BCAS4: variants seen among roughly 807,000 people sequenced by gnomAD.
BCAS4 encodes the protein breast carcinoma amplified sequence 4.
BCAS4 carries 9 observed loss-of-function variants against 15.7 expected under a neutral mutation model. That is an observed-to-expected ratio of 0.57 (90% confidence interval 0.34 to 1.00). BCAS4 has a LOEUF of 1.00. Among genes scored for constraint, BCAS4 ranks in the 50% least tolerant of loss-of-function variants. BCAS4 has a pLI of 0.02. For synonymous variants in BCAS4, 101 were observed against 99.5 expected (o/e 1.02, Z -0.09); for missense variants, 225 against 239.1 (o/e 0.94, Z 0.39).
intron 4 of BCAS4, among the ~76,000 whole-genome samples, chr20:50,858,990 G>C (rs751836089): frequency 9.9e-5 from 15 of 151,620 alleles, no homozygotes; most frequent in Non-Finnish European, 2.1e-4. Context: ...CTGGAGTGCA[G>C]TGGTGAGATC....
At chr20:50,812,138 A>AT (rs1422462052) in intron 1 of BCAS4, among the ~76,000 whole-genome samples, 18 of 150,494 alleles carry the variant, frequency 1.2e-4, no homozygotes, top group East Asian at 3.9e-4. Flanking sequence ...CTTTTTATTT[A>AT]TTTATTTTTT....
intron 1 of BCAS4, among the ~76,000 whole-genome samples, chr20:50,803,579 A>C (rs79130706): frequency 0.15 from 22,331 of 152,032 alleles, 1,711 homozygotes; most frequent in South Asian, 0.16. Context: ...GCAGTATCTC[A>C]TGCCTTCAAT....
At chr20:50,874,022 G>A (rs8121286) in intron 4 of BCAS4, among the ~76,000 whole-genome samples, 8,867 of 152,138 alleles carry the variant, frequency 0.058, 661 homozygotes, top group African/African-American at 0.16. Context: ...GAGCCCAGAC[G>A]TGATTACCTG....
intron 4 of BCAS4, among the ~76,000 whole-genome samples, chr20:50,849,084 C>A (rs2088580224): frequency 6.6e-6 from 1 of 152,272 alleles, no homozygotes; most frequent in Admixed American, 6.5e-5. Context: ...GCCGGGCCAG[C>A]TTCCTGCTGA....
At chr20:50,837,597 C>T (rs530001702) in intron 3 of BCAS4, among the ~76,000 whole-genome samples, 7 of 152,282 alleles carry the variant, frequency 4.6e-5, no homozygotes, top group East Asian at 3.9e-4. Flanking sequence ...CTAAGATTAG[C>T]GGTGGGCCCT....
At chr20:50,855,550 T>A (rs1454064823) in intron 4 of BCAS4, among the ~76,000 whole-genome samples, 1 of 152,002 alleles carries the variant, frequency 6.6e-6, no homozygotes, top group Admixed American at 6.6e-5. Flanking sequence ...CCAAGAGACC[T>A]TCCTGGGACC....
intron 3 of BCAS4, among the ~76,000 whole-genome samples, chr20:50,841,107 G>A (rs977147912): frequency 2.0e-5 from 3 of 152,214 alleles, no homozygotes; most frequent in African/African-American, 7.2e-5. Flanking sequence ...TGGGATTACA[G>A]GCGTGAGCCA....
chr20:50,859,228 G>A (rs1215902076), intron 4 of BCAS4, among the ~76,000 whole-genome samples: 2 of 152,086 alleles, frequency 1.3e-5, no homozygotes, highest in South Asian at 2.1e-4. Context: ...AGGCTTGAGC[G>A]ACCACGCCTA....
intron 2 of BCAS4, among the ~76,000 whole-genome samples, chr20:50,826,996 A>AC (rs913279959): frequency 6.6e-6 from 1 of 151,626 alleles, no homozygotes; most frequent in East Asian, 1.9e-4. Flanking sequence ...ACAACCCACG[A>AC]CCCCCCACCA....
Position 50,851,116 on chromosome 20 carries a change from G to A in BCAS4, c.399+9216G>A, listed in dbSNP as rs1389720072. Among the ~76,000 whole-genome samples, 3 of 12,100 alleles carry A rather than the reference G, an allele frequency of 2.5e-4. No individual in the cohort carries two copies. In the Admixed American group the frequency reaches 3.5e-3, roughly 14 times the overall value. The allele number at this position is 12,100 out of a possible 152,430, so 7.9% of individuals were successfully genotyped here. ...TCCCCTGCAGAATCCCCCTGCAGGA[G>A]GTGACTCGGGGAGGGAGCCCGACAG... is the stretch of plus-strand genomic sequence containing the variant. On this transcript the variant is annotated intron_variant, in intron 4 of 4. Coordinates refer to ENST00000371608, the MANE Select transcript of BCAS4 (RefSeq NM_198799.4). This position sits in a 1 kb window ranked among gnomAD's most constrained non-coding sequence, Gnocchi z 4.3.
At chr20:50,815,416 C>T (rs1160422996) in intron 1 of BCAS4, among the ~76,000 whole-genome samples, 2 of 152,176 alleles carry the variant, frequency 1.3e-5, no homozygotes, top group African/African-American at 4.8e-5. Context: ...ACCCGCTGTG[C>T]CCCACTCCTC....
At chr20:50,860,662 G>C (rs567826680) in intron 4 of BCAS4, among the ~76,000 whole-genome samples, 2 of 152,050 alleles carry the variant, frequency 1.3e-5, no homozygotes, top group African/African-American at 4.8e-5. Flanking sequence ...GGTCACCTGA[G>C]GTCAGGAGTT....
intron 4 of BCAS4, among the ~76,000 whole-genome samples, chr20:50,852,129 A>G (rs1281096461): frequency 6.6e-6 from 1 of 152,190 alleles, no homozygotes; most frequent in Admixed American, 6.5e-5. Flanking sequence ...AGGTGAGGAA[A>G]CCGAGGATCA....
chr20:50,832,898 AC>A (rs1164629098), intron 3 of BCAS4: 1 of 152,028 alleles, frequency 6.6e-6, no homozygotes, highest in Non-Finnish European at 1.5e-5. Context: ...ACTTAATCAC[AC>A]CTGCAGGATC....
intron 1 of BCAS4, among the ~76,000 whole-genome samples, chr20:50,807,577 G>A (rs1422311127): frequency 1.3e-5 from 2 of 152,158 alleles, no homozygotes; most frequent in Non-Finnish European, 2.9e-5. Context: ...TTTAGTGAGT[G>A]GTGATTTCTG....
chr20:50,871,133 G>A (rs1172472256), intron 4 of BCAS4, among the ~76,000 whole-genome samples: 1 of 152,204 alleles, frequency 6.6e-6, no homozygotes, highest in African/African-American at 2.4e-5. Context: ...AAAACCCCAG[G>A]GTTTGAGTTT....
chr20:50,827,372 T>A (rs916340767), intron 2 of BCAS4, among the ~76,000 whole-genome samples: 1 of 152,104 alleles, frequency 6.6e-6, no homozygotes, highest in East Asian at 1.9e-4. Flanking sequence ...CATCAGAGGG[T>A]CCCCGATGCC....
intron 1 of BCAS4, among the ~76,000 whole-genome samples, chr20:50,803,801 C>CAAAA (rs77271343): frequency 1.1e-5 from 1 of 91,000 alleles, no homozygotes; most frequent in Non-Finnish European, 2.3e-5. Context: ...ACTAGACTCC[C>CAAAA]AAAAAAAAAA....
At position 50,859,276 on chromosome 20, in the gene BCAS4, A is replaced by T. The variant is rs148704102; in HGVS notation, c.400-17210A>T. Among the ~76,000 whole-genome samples, 22 of 152,262 alleles carry T rather than the reference A, an allele frequency of 1.4e-4. No individual in the cohort carries two copies. The East Asian group carries it at 3.7e-3, about 25-fold the overall frequency. ...AATATTTTTGATTCATGTTGGTTGA[A>T]CGCATGGATGTGGAACCCACGGATG... On this transcript the variant is annotated intron_variant, in intron 4 of 4. Coordinates refer to ENST00000371608, the MANE Select transcript of BCAS4 (RefSeq NM_198799.4).
Sources: gnomAD v4.1 joint callset for allele counts (sites outside exome capture counted in the v4.1 genomes callset) on GRCh38, gnomAD v4.1.1 for gene constraint, Gnocchi (gnomAD v3.1) non-coding constraint, MANE v1.5 for transcripts, NCBI Gene and HGNC (gene_info 2026-07-23, HGNC 2026-07-21) for gene names.